Variants in GTSF1 observed in about 807,000 individuals in gnomAD.
GTSF1 encodes gametocyte specific factor 1.
A neutral mutation model predicts 28.9 loss-of-function variants in GTSF1; 11 were observed. The ratio of observed to expected loss-of-function variants is 0.38; its 90% CI spans 0.24 to 0.63. The LOEUF is 0.63. Ranked by LOEUF, GTSF1 falls within the 30% of genes least tolerant of loss-of-function variation. The probability of loss-of-function intolerance (pLI) is 0.56; values close to 1 mark genes in which losing one functional copy is unlikely to be tolerated. For synonymous variants in GTSF1, 69 were observed against 65.6 expected (o/e 1.05, Z -0.25); for missense variants, 146 against 201.0 (o/e 0.73, Z 1.66).
At chr12:54,467,780 G>GT (rs879902725) in intron 2 of GTSF1, among the ~76,000 whole-genome samples, 168 of 142,192 alleles carry the variant, frequency 1.2e-3, no homozygotes, top group Middle Eastern at 3.5e-3. Flanking sequence ...TTCCAGATTT[G>GT]TTTTTTTTTT....
Position 54,459,730 on chromosome 12 carries a change from T to G in GTSF1, c.488-605A>C, listed in dbSNP as rs1030699023. 4.9e-5 allele frequency: 7 copies of G among 142,016 alleles called. 2 individuals are homozygous for G. Among genetic ancestry groups the G allele is most frequent in the African/African-American group, 2.6e-4 (7 of 26,932 alleles). The allele number at this position is 142,016 out of a possible 1,614,324, so 8.8% of individuals were successfully genotyped here. ...CCCTACTGATATTATGCCTTTTTTTTTTTTTTTTTTTTTTGAGACGGAGTC... is the reference window on the plus strand; with the variant it reads ...CCCTACTGATATTATGCCTTTTTTTGTTTTTTTTTTTTTTGAGACGGAGTC... On this transcript the variant is annotated intron_variant, in intron 7 of 8. Coordinates refer to ENST00000305879, the MANE Select transcript of GTSF1 (RefSeq NM_144594.3).
chr12:54,473,202 G>A (rs1956611461), intron 1 of GTSF1, among the ~76,000 whole-genome samples: 1 of 152,004 alleles, frequency 6.6e-6, no homozygotes, highest in South Asian at 2.1e-4. Context: ...GTAGTCGGCG[G>A]CTACTGGTTA....
chr12:54,462,292 T>C (rs1211490133), intron 5 of GTSF1, 120 bp from the exon 6 acceptor site: 15 of 692,476 alleles, frequency 2.2e-5, no homozygotes, highest in Non-Finnish European at 3.1e-5. Flanking sequence ...CAAGTAAAAA[T>C]TGATCAAGTG....
intron 2 of GTSF1, among the ~76,000 whole-genome samples, chr12:54,469,954 C>T (rs1956574281): frequency 6.6e-6 from 1 of 152,036 alleles, no homozygotes; most frequent in African/African-American, 2.4e-5. Context: ...AGGTGGATCA[C>T]AAGGTCAGGA....
At chr12:54,460,166 T>A (rs1467010806) in intron 7 of GTSF1, among the ~76,000 whole-genome samples, 1 of 152,216 alleles carries the variant, frequency 6.6e-6, no homozygotes, top group African/African-American at 2.4e-5. Context: ...GCTTCTGTGA[T>A]CTTATACTTT....
intron 4 of GTSF1, 95 bp from the exon 5 acceptor site, chr12:54,462,820 G>A (rs754130675): frequency 6.3e-5 from 58 of 919,122 alleles, no homozygotes; most frequent in Non-Finnish European, 8.8e-5. Flanking sequence ...AGGGTAGCCT[G>A]TTGGGTCTTT....
At chr12:54,465,751 T>G (rs1002781750) in intron 2 of GTSF1, among the ~76,000 whole-genome samples, 1 of 152,152 alleles carries the variant, frequency 6.6e-6, no homozygotes, top group Non-Finnish European at 1.5e-5. Context: ...TGAAAAAAGT[T>G]GGTAAGCACT....
chr12:54,464,111 C>G (rs1214676278), intron 3 of GTSF1, among the ~76,000 whole-genome samples: 1 of 152,194 alleles, frequency 6.6e-6, no homozygotes, highest in Non-Finnish European at 1.5e-5. Context: ...GAGAAACTTG[C>G]AGGCATCGCC....
intron 2 of GTSF1, among the ~76,000 whole-genome samples, chr12:54,467,142 C>G (rs1956529542): frequency 6.6e-6 from 1 of 152,084 alleles, no homozygotes; most frequent in Non-Finnish European, 1.5e-5. Flanking sequence ...CCCCACTGCC[C>G]CCAGCTCCTG....
At position 54,457,187 on chromosome 12, in the gene GTSF1, T is replaced by C. The variant is rs1446976945; in HGVS notation, c.*21-1034A>G. On this transcript the variant is annotated intron_variant, in intron 8 of 8. Coordinates refer to ENST00000305879, the MANE Select transcript of GTSF1 (RefSeq NM_144594.3). ...AGGATTCTTATCTAATCTAATTATT[T>C]TTCTGATCCCTCAGGAGTTACACAG... Among the ~76,000 whole-genome samples, 8 of 152,340 alleles carry C rather than the reference T, an allele frequency of 5.3e-5. No individual in the cohort carries two copies. In the East Asian group the frequency reaches 1.5e-3, roughly 29 times the overall value.
intron 2 of GTSF1, among the ~76,000 whole-genome samples, chr12:54,465,771 C>T (rs1247214296): frequency 1.3e-5 from 2 of 152,060 alleles, no homozygotes; most frequent in African/African-American, 4.8e-5. Context: ...TGCCCTATAT[C>T]AGTTATATGT....
chr12:54,468,252 C>T (rs375524752), intron 2 of GTSF1, among the ~76,000 whole-genome samples: 10 of 152,072 alleles, frequency 6.6e-5, no homozygotes, highest in Middle Eastern at 3.4e-3. Flanking sequence ...GCCTCCACCC[C>T]GCAAGTAGCT....
At chr12:54,463,320 T>C in intron 3 of GTSF1, 23 bp from the exon 4 acceptor site, 1 of 1,612,900 alleles carries the variant, frequency 6.2e-7, no homozygotes, top group Non-Finnish European at 8.5e-7. Context: ...AATTAAGGGA[T>C]CTGTCAGTTC....
At chr12:54,470,328 AC>A (rs1956579358) in intron 2 of GTSF1, among the ~76,000 whole-genome samples, 1 of 152,222 alleles carries the variant, frequency 6.6e-6, no homozygotes, top group South Asian at 2.1e-4. Context: ...TGCAGGTGGG[AC>A]CCAGCAATCT....
At chr12:54,469,603 G>A (rs1956568997) in intron 2 of GTSF1, among the ~76,000 whole-genome samples, 1 of 146,914 alleles carries the variant, frequency 6.8e-6, no homozygotes, top group Admixed American at 6.8e-5. Flanking sequence ...CAGGAGAATC[G>A]CTTGAACCCA....
At chr12:54,457,243 A>C (rs1307048733) in intron 8 of GTSF1, among the ~76,000 whole-genome samples, 1 of 152,236 alleles carries the variant, frequency 6.6e-6, no homozygotes, top group East Asian at 1.9e-4. Flanking sequence ...TAAGGAGTTT[A>C]ACCATAAAGA....
At position 54,458,937 on chromosome 12, in the gene GTSF1, A is replaced by G. The variant is rs576462044; in HGVS notation, c.*20+152T>C. On this transcript the variant is annotated intron_variant, in intron 8 of 8. Transcript: ENST00000305879. ...TGCCTATTCATTAGAGTGTAAAGCC[A>G]TAACAGAGGCTATATACTTAAAAAA... Among the ~76,000 whole-genome samples the G allele has an allele frequency of 7.9e-5, 12 of 152,336 alleles. No homozygotes were observed. In the South Asian group the frequency reaches 2.1e-3, roughly 26 times the overall value.
chr12:54,456,993 G>A (rs567505890), intron 8 of GTSF1, among the ~76,000 whole-genome samples: 4 of 152,322 alleles, frequency 2.6e-5, no homozygotes, highest in Non-Finnish European at 5.9e-5. Context: ...GCTGAGGTAG[G>A]AGAATCGCTT....
chr12:54,466,062 T>C (rs1174183064), intron 2 of GTSF1, among the ~76,000 whole-genome samples: 1 of 152,164 alleles, frequency 6.6e-6, no homozygotes, highest in Non-Finnish European at 1.5e-5. Flanking sequence ...TGCAGACATA[T>C]GGAACTGCTG....
Sources: gnomAD v4.1 joint callset for allele counts (sites outside exome capture counted in the v4.1 genomes callset) on GRCh38, gnomAD v4.1.1 for gene constraint, MANE v1.5 for transcripts, NCBI Gene and HGNC (gene_info 2026-07-23, HGNC 2026-07-21) for gene names.